The following OLFML3 variants were observed in gnomAD, a reference collection of about 807,000 sequenced individuals.
OLFML3 encodes the protein olfactomedin like 3, also known as olfactomedin-like protein 3.
OLFML3 carries 26 observed loss-of-function variants against 36.0 expected under a neutral mutation model. The ratio of observed to expected loss-of-function variants is 0.72; its 90% CI spans 0.53 to 1.00. The LOEUF (loss-of-function observed/expected upper bound fraction) is 1.00. Among genes scored for constraint, OLFML3 ranks in the 50% least tolerant of loss-of-function variants. The pLI, the probability that OLFML3 is intolerant of heterozygous loss-of-function variation, is 0.00. For missense variants in OLFML3, 503 were observed against 519.4 expected (o/e 0.97, Z 0.31); for synonymous variants, 184 against 201.2 (o/e 0.91, Z 0.72).
At chr1:113,980,218 T>C in intron 1 of OLFML3, 114 bp from the exon 2 acceptor site, 1 of 1,522,854 alleles carries the variant, frequency 6.6e-7, no homozygotes, top group Admixed American at 2.2e-5. Context: ...GAAGGGGATA[T>C]TGAAGCCTGG....
At position 113,981,736 on chromosome 1, in the gene OLFML3, G is replaced by A. The variant is rs924264922; in HGVS notation, c.1188G>A (p.Lys396=). 4.0e-5 allele frequency: 65 copies of A among 1,613,628 alleles called. No homozygotes were observed. Among genetic ancestry groups the A allele is most frequent in the Non-Finnish European group, 5.3e-5 (62 of 1,179,966 alleles). Residue 396 remains lysine, a synonymous_variant, in exon 3 of 3, where the codon AAG becomes AAA. Coordinates refer to ENST00000320334, the MANE Select transcript of OLFML3 (RefSeq NM_020190.5). ...AWDDGYQIVY[K]LEMRKKEEEV ...ATGATGGCTACCAGATTGTCTATAA[G>A]CTGGAGATGAGGAAGAAAGAGGAGG...
In OLFML3 at chr1:113,981,669, G is replaced by C. The variant is rs758208644; in HGVS notation, c.1121G>C (p.Ser374Thr). The C allele has an allele frequency of 3.7e-6, 6 of 1,613,872 alleles. No homozygotes were observed. In the South Asian group the frequency reaches 4.4e-5, roughly 12 times the overall value. Residue 374 changes from serine (S) to threonine (T), a missense_variant, in exon 3 of 3, where the codon AGC (serine) becomes ACC (threonine). Coordinates refer to ENST00000320334, the MANE Select transcript of OLFML3 (RefSeq NM_020190.5). Reference protein sequence around the residue: ...YFPRRYGAHASLRYNPRERQL... With the variant: ...YFPRRYGAHATLRYNPRERQL... ...CCCCGCAGATATGGTGCCCATGCCA[G>C]CCTCCGCTATAACCCCCGAGAACGC...
chr1:113,981,845 C>A lies in OLFML3; in HGVS notation c.*76C>A. On this transcript the variant is annotated 3_prime_UTR_variant, in exon 3 of 3. Transcript: ENST00000320334. The stretch of plus-strand genomic sequence containing the variant: ...TATCCCCACTAAATTTCTTGTTCCT[C>A]ATTCTTCAAATGTGGGCCAGTTGTG... The A allele has an allele frequency of 7.4e-7, 1 of 1,359,906 alleles. No individual in the cohort carries two copies. The highest frequency in any genetic ancestry group is 1.0e-6 in the Non-Finnish European group (1 of 981,152). The allele number at this position is 1,359,906 out of a possible 1,614,324, so 84.2% of individuals were successfully genotyped here.
Position 113,981,216 on chromosome 1 carries a change from G to A in OLFML3, c.668G>A (p.Arg223Gln), listed in dbSNP as rs1162834166. 1.2e-5 allele frequency: 20 copies of A among 1,614,080 alleles called. No homozygotes were observed. In the Admixed American group the frequency reaches 1.8e-4, roughly 15 times the overall value. Residue 223 changes from arginine (R) to glutamine (Q), a missense_variant, in exon 3 of 3, where the codon CGG becomes CAG. By Grantham distance (43) the Arg-to-Gln change is conservative (BLOSUM62 1). Coordinates refer to ENST00000320334, the MANE Select transcript of OLFML3 (RefSeq NM_020190.5). ...TATGGTGGCTTTCTTTATTTTGCTC[G>A]GAGGCCTCCTGGAAGACCTGGTGGA... Reference protein sequence around the residue: ...LVYGGFLYFARRPPGRPGGGG... With the variant: ...LVYGGFLYFAQRPPGRPGGGG...
chr1:113,982,200 T>G lies in OLFML3; in HGVS notation c.*431T>G. 4.8e-6 allele frequency: 1 copy of G among 208,250 alleles called. No homozygotes were observed. Among genetic ancestry groups the G allele is most frequent in the Non-Finnish European group, 9.7e-6 (1 of 102,770 alleles). 12.9% of individuals were successfully genotyped at this position (208,250 alleles called of 1,614,324 possible). On this transcript the variant is annotated 3_prime_UTR_variant, in exon 3 of 3. Transcript: ENST00000320334. Reference sequence around the variant, plus strand: ...TTCAGTGTCCTGAGGAACAGGACTTTCTCCACATTGTTTTGTATTGCAACA... The same window carrying G: ...TTCAGTGTCCTGAGGAACAGGACTTGCTCCACATTGTTTTGTATTGCAACA...
At position 113,981,826 on chromosome 1, in the gene OLFML3, C is replaced by A; in HGVS notation, c.*57C>A. Reference sequence around the variant, plus strand: ...CTCCCATACATTTATATTATATCCCCACTAAATTTCTTGTTCCTCATTCTT... The same window carrying A: ...CTCCCATACATTTATATTATATCCCAACTAAATTTCTTGTTCCTCATTCTT... On this transcript the variant is annotated 3_prime_UTR_variant, in exon 3 of 3. Coordinates refer to ENST00000320334, the MANE Select transcript of OLFML3 (RefSeq NM_020190.5). The A allele has an allele frequency of 6.9e-7, 1 of 1,452,668 alleles. No homozygotes were observed. The allele number at this position is 1,452,668 out of a possible 1,614,324, so 90.0% of individuals were successfully genotyped here.
chr1:113,980,554 G>C lies in OLFML3; in HGVS notation c.337G>C (p.Val113Leu). Reference sequence around the variant, plus strand: ...GCCCTGTGTAGAGTTTGATGAGAAGGTGACTGGAGGCCCTGGGACCAAAGG... The same window carrying C: ...GCCCTGTGTAGAGTTTGATGAGAAGCTGACTGGAGGCCCTGGGACCAAAGG... Reference protein sequence around the residue: ...ALPCVEFDEKVTGGPGTKGKG... With the variant: ...ALPCVEFDEKLTGGPGTKGKG... The change falls in exon 2 of 3, where the codon GTG becomes CTG. Residue 113 changes from valine (V) to leucine (L), a missense_variant. Val to Leu is a conservative substitution (Grantham distance 32). Coordinates refer to ENST00000320334, the MANE Select transcript of OLFML3 (RefSeq NM_020190.5). 6.2e-7 allele frequency: 1 copy of C among 1,613,592 alleles called. No individual in the cohort carries two copies. Among genetic ancestry groups the C allele is most frequent in the Non-Finnish European group, 8.5e-7 (1 of 1,179,826 alleles).
rs765456410 is a variant in OLFML3, at chr1:113,981,760, G to A, written c.1212G>A (p.Glu404=). 1 of 1,612,726 alleles carries A rather than the reference G, an allele frequency of 6.2e-7. No individual in the cohort carries two copies. Among genetic ancestry groups the A allele is most frequent in the East Asian group, 2.2e-5 (1 of 44,864 alleles). The change falls in exon 3 of 3, where the codon GAG becomes GAA. Residue 404 remains glutamate (E), a synonymous_variant. Transcript: ENST00000320334. ...VYKLEMRKKE[E]EV is the part of the protein sequence containing the mutation. ...AGCTGGAGATGAGGAAGAAAGAGGA[G>A]GAGGTTTGAGGAGCTAGCCTTGTTT...
At position 113,981,237 on chromosome 1, in the gene OLFML3, G is replaced by C. The variant is rs1038807122; in HGVS notation, c.689G>C (p.Gly230Ala). Reference protein sequence around the residue: ...YFARRPPGRPGGGGEMENTLQ... With the variant: ...YFARRPPGRPAGGGEMENTLQ... ...GCTCGGAGGCCTCCTGGAAGACCTG[G>C]TGGAGGTGGTGAGATGGAGAACACT... The change falls in exon 3 of 3, where the codon GGT (glycine) becomes GCT (alanine). Residue 230 changes from glycine to alanine, a missense_variant. Coordinates refer to ENST00000320334, the MANE Select transcript of OLFML3 (RefSeq NM_020190.5). 6.2e-7 allele frequency: 1 copy of C among 1,613,806 alleles called. No homozygotes were observed. The highest frequency in any genetic ancestry group is 8.5e-7 in the Non-Finnish European group (1 of 1,179,834).
At position 113,981,879 on chromosome 1, in the gene OLFML3, C is replaced by A; in HGVS notation, c.*110C>A. 1.0e-6 allele frequency: 1 copy of A among 991,226 alleles called. No individual in the cohort carries two copies. Among genetic ancestry groups the A allele is most frequent in the Non-Finnish European group, 1.5e-6 (1 of 672,072 alleles). 61.4% of individuals were successfully genotyped at this position (991,226 alleles called of 1,614,324 possible). On this transcript the variant is annotated 3_prime_UTR_variant, in exon 3 of 3. Transcript: ENST00000320334. ...AATGTGGGCCAGTTGTGGCTCAAAT[C>A]CTCTATATTTTTAGCCAATGGCAAT...
Position 113,980,409 on chromosome 1 carries a change from A to G in OLFML3, c.192A>G (p.Pro64=). 6.2e-7 allele frequency: 1 copy of G among 1,611,032 alleles called. No homozygotes were observed. Among genetic ancestry groups the G allele is most frequent in the Non-Finnish European group, 8.5e-7 (1 of 1,178,476 alleles). The change falls in exon 2 of 3, where the codon CCA becomes CCG. Residue 64 remains proline (P), a synonymous_variant. Coordinates refer to ENST00000320334, the MANE Select transcript of OLFML3 (RefSeq NM_020190.5). ...ELRDFKNKML[P]LLEVAEKERE... ...GGGACTTCAAGAACAAGATGCTGCCACTGCTGGAGGTGGCAGAGAAGGAGC... is the reference window on the plus strand; with the variant it reads ...GGGACTTCAAGAACAAGATGCTGCCGCTGCTGGAGGTGGCAGAGAAGGAGC...
chr1:113,980,797 T>G (rs753693393), intron 2 of OLFML3, 152 bp from the exon 3 acceptor site: 4 of 993,192 alleles, frequency 4.0e-6, no homozygotes, highest in African/African-American at 1.6e-5. Context: ...TCCAGGCCGC[T>G]GTGGTACCCG....
At chr1:113,980,111 A>G in intron 1 of OLFML3, 1 of 1,550,224 alleles carries the variant, frequency 6.5e-7, no homozygotes, top group Non-Finnish European at 8.7e-7. Context: ...CACAGGCTGG[A>G]GGACATGGAG....
At position 113,979,942 on chromosome 1, in the gene OLFML3, C is replaced by T. The variant is rs371704714; in HGVS notation, c.114+312C>T. 47 of 1,427,174 alleles carry T rather than the reference C, an allele frequency of 3.3e-5. No homozygotes were observed. The African/African-American group carries it at 4.8e-4, about 14-fold the overall frequency. The allele number at this position is 1,427,174 out of a possible 1,614,324, so 88.4% of individuals were successfully genotyped here. ...TGATTCTGTTGAAGTTGGAGGTTCCCGGGGAATCTATAACTTCCTGTCTTT... is the reference window on the plus strand; with the variant it reads ...TGATTCTGTTGAAGTTGGAGGTTCCTGGGGAATCTATAACTTCCTGTCTTT... On this transcript the variant is annotated intron_variant, in intron 1 of 2. Transcript: ENST00000320334.
rs563223693 is a variant in OLFML3 at position 113,980,522 on chromosome 1, C to T, written c.305C>T (p.Pro102Leu). ...GTAGACTATCTGGAGACCCAGAACC[C>T]AGCTCTGCCCTGTGTAGAGTTTGAT... Reference protein sequence around the residue: ...REVDYLETQNPALPCVEFDEK... With the variant: ...REVDYLETQNLALPCVEFDEK... The change falls in exon 2 of 3, where the codon CCA becomes CTA. Residue 102 changes from proline to leucine, a missense_variant. By Grantham distance (98) the Pro-to-Leu change is moderately conservative. Coordinates refer to ENST00000320334, the MANE Select transcript of OLFML3 (RefSeq NM_020190.5). The T allele has an allele frequency of 1.3e-5, 21 of 1,614,122 alleles. No homozygotes were observed. In the South Asian group the frequency reaches 2.2e-4, roughly 17 times the overall value.
Position 113,981,642 on chromosome 1 carries a change from T to A in OLFML3, c.1094T>A (p.Phe365Tyr). Residue 365 changes from phenylalanine to tyrosine, a missense_variant, in exon 3 of 3, where the codon TTT becomes TAT. Transcript: ENST00000320334. ...LTPERAALPY[F>Y]PRRYGAHASL... Reference sequence around the variant, plus strand: ...CCTGAACGGGCAGCACTCCCTTATTTTCCCCGCAGATATGGTGCCCATGCC... The same window carrying A: ...CCTGAACGGGCAGCACTCCCTTATTATCCCCGCAGATATGGTGCCCATGCC... 1 of 1,613,826 alleles carries A rather than the reference T, an allele frequency of 6.2e-7. No homozygotes were observed. The highest frequency in any genetic ancestry group is 8.5e-7 in the Non-Finnish European group (1 of 1,179,926).
rs1673437971 is a variant in OLFML3 at position 113,982,142 on chromosome 1, G to C, written c.*373G>C. On this transcript the variant is annotated 3_prime_UTR_variant, in exon 3 of 3. Coordinates refer to ENST00000320334, the MANE Select transcript of OLFML3 (RefSeq NM_020190.5). ...TGGGGAGGGAGAAATAGGAGGAGAC[G>C]TCCAGCTCTGTCCTCTCTTCCTCAC... is the stretch of plus-strand genomic sequence containing the variant. The C allele has an allele frequency of 1.0e-5, 3 of 297,168 alleles. No individual in the cohort carries two copies. Among genetic ancestry groups the C allele is most frequent in the Non-Finnish European group, 1.9e-5 (3 of 156,466 alleles). The allele number at this position is 297,168 out of a possible 1,614,324, so 18.4% of individuals were successfully genotyped here. A position where few individuals can be genotyped will look rare whatever the true frequency, so the allele number is the denominator to read the frequency against.
chr1:113,979,960 CTG>C, intron 1 of OLFML3: 1 of 1,433,154 alleles, frequency 7.0e-7, no homozygotes, highest in Non-Finnish European at 9.2e-7. Flanking sequence ...CTATAACTTC[CTG>C]TCTTTTTAAC....
rs2101559975 is a variant in OLFML3 at position 113,982,110 on chromosome 1, AGT to A, written c.*343_*344del. ...CAGGCAGCAGTGTTCTTCCCCTCAGAGTGACTTGGGGAGGGAGAAATAGGAGG... is the reference window on the plus strand; with the variant it reads ...CAGGCAGCAGTGTTCTTCCCCTCAGAGACTTGGGGAGGGAGAAATAGGAGG... On this transcript the variant is annotated 3_prime_UTR_variant, in exon 3 of 3. Coordinates refer to ENST00000320334, the MANE Select transcript of OLFML3 (RefSeq NM_020190.5). 2.9e-6 allele frequency: 1 copy of A among 344,818 alleles called. No homozygotes were observed. Among genetic ancestry groups the A allele is most frequent in the East Asian group, 7.9e-5 (1 of 12,684 alleles). The allele number at this position is 344,818 out of a possible 1,614,324, so 21.4% of individuals were successfully genotyped here.
Sources: gnomAD v4.1 joint callset for allele counts on GRCh38, gnomAD v4.1.1 for gene constraint, MANE v1.5 for transcripts, NCBI Gene and HGNC (gene_info 2026-07-23, HGNC 2026-07-21) for gene names.